TOE1: variants seen among roughly 807,000 people sequenced by gnomAD.
TOE1 encodes the protein target of EGR1, exonuclease, also known as target of EGR1 protein 1.
TOE1 carries 50 observed loss-of-function variants against 49.2 expected under a neutral mutation model. The ratio of observed to expected loss-of-function variants is 1.02; its 90% CI spans 0.81 to 1.29. The LOEUF (loss-of-function observed/expected upper bound fraction) is 1.29, where lower values mean the gene tolerates loss of function less well. Among genes scored for constraint, TOE1 ranks in the 50% most tolerant of loss-of-function variants. TOE1 has a pLI of 0.00. For synonymous variants in TOE1, 221 were observed against 247.0 expected, an observed-to-expected ratio of 0.89 and a Z score of 0.99; for missense variants, 544 against 654.4, an observed-to-expected ratio of 0.83 and a Z score of 1.84.
intron 4 of TOE1, among the ~76,000 whole-genome samples, 164 bp from the exon 5 acceptor site, chr1:45,341,785 A>G (rs191624846): frequency 5.9e-5 from 9 of 151,822 alleles, no homozygotes; most frequent in South Asian, 2.1e-4. Flanking sequence ...TGGTGCACCT[A>G]TCACCCAGTG....
At chr1:45,340,936 G>A in intron 1 of TOE1, 137 bp from the exon 2 acceptor site, 1 of 1,249,092 alleles carries the variant, frequency 8.0e-7, no homozygotes, top group Non-Finnish European at 1.1e-6. Flanking sequence ...TGTAGAACAC[G>A]TGGGTTACAA....
intron 2 of TOE1, 29 bp downstream of exon 2, chr1:45,341,244 T>G (rs1019671351): frequency 1.9e-6 from 3 of 1,613,998 alleles, no homozygotes; most frequent in Non-Finnish European, 2.5e-6. Flanking sequence ...GGAGGGCAGG[T>G]GGTTGTGAAG....
Position 45,343,029 on chromosome 1 carries a change from A to G in TOE1, c.912+27A>G, listed in dbSNP as rs767740951. The G allele has an allele frequency of 3.1e-6, 5 of 1,613,504 alleles. No individual in the cohort carries two copies. The highest frequency in any genetic ancestry group is 2.5e-6 in the Non-Finnish European group (3 of 1,179,800). ...TGAGAGCACCCACCTGTTTCTTGGG[A>G]GGGAAGGTTCTGATGCCTGGAGCCT... On this transcript the variant is annotated intron_variant, in intron 7 of 7. Coordinates refer to ENST00000372090, the MANE Select transcript of TOE1 (RefSeq NM_025077.4). This position sits in a 1 kb window ranked among gnomAD's most constrained non-coding sequence, Gnocchi z 4.3.
intron 6 of TOE1, 50 bp from the exon 7 acceptor site, chr1:45,342,793 C>A: frequency 6.2e-7 from 1 of 1,611,990 alleles, no homozygotes; most frequent in South Asian, 1.1e-5. Context: ...AAACCCTGCT[C>A]TTATGGAGCT....
In TOE1 at chr1:45,343,276, G is replaced by C; in HGVS notation, c.1107G>C (p.Gln369His). Residue 369 changes from glutamine to histidine, a missense_variant, in exon 8 of 8, where the codon CAG (glutamine) becomes CAC (histidine). Transcript: ENST00000372090. This position sits in a 1 kb window ranked among gnomAD's most constrained non-coding sequence, Gnocchi z 4.3. Reference protein sequence around the residue: ...GEAKDGPPKKQVCGDSIKPEE... With the variant: ...GEAKDGPPKKHVCGDSIKPEE... ...CTAAGGATGGTCCTCCCAAGAAGCAGGTCTGTGGGGATAGCATCAAGCCTG... is the reference window on the plus strand; with the variant it reads ...CTAAGGATGGTCCTCCCAAGAAGCACGTCTGTGGGGATAGCATCAAGCCTG... The C allele has an allele frequency of 6.2e-7, 1 of 1,614,116 alleles. No individual in the cohort carries two copies. Among genetic ancestry groups the C allele is most frequent in the Non-Finnish European group, 8.5e-7 (1 of 1,180,034 alleles).
rs765015040 is a variant in TOE1 at position 45,341,070 on chromosome 1, C to G, written c.53-3C>G. On this transcript the variant is annotated splice_polypyrimidine_tract_variant and splice_region_variant and intron_variant, in intron 1 of 7. Transcript: ENST00000372090. The stretch of plus-strand genomic sequence containing the variant: ...GAACATCCATCACCCTCCTAACCCC[C>G]AGGTGGTGTCAGCAAAAGCACAACA... 3.2e-5 allele frequency: 51 copies of G among 1,614,100 alleles called. No homozygotes were observed. The highest frequency in any genetic ancestry group is 4.2e-5 in the Non-Finnish European group (50 of 1,180,042).
chr1:45,340,332 A>G, intron 1 of TOE1, 28 bp downstream of exon 1: 11 of 1,604,130 alleles, frequency 6.9e-6, no homozygotes, highest in Non-Finnish European at 9.4e-6. Flanking sequence ...GGTAGCCTTC[A>G]AAGCCTCTGC....
In TOE1 at chr1:45,343,566, G is replaced by A. The variant is rs936988466; in HGVS notation, c.1397G>A (p.Gly466Glu). The A allele has an allele frequency of 3.7e-5, 59 of 1,613,870 alleles. No homozygotes were observed. The highest frequency in any genetic ancestry group is 4.7e-5 in the Non-Finnish European group (56 of 1,180,020). ...VSQGPQPCSS[G>E]PWLPECHNKV... is the part of the protein sequence containing the mutation. ...CAGGGACCGCAGCCCTGCAGCTCTG[G>A]ACCCTGGCTCCCTGAATGCCACAAT... The change falls in exon 8 of 8, where the codon GGA becomes GAA. Residue 466 changes from glycine (G) to glutamate (E), a missense_variant. Gly to Glu is a moderately conservative substitution (Grantham distance 98). Coordinates refer to ENST00000372090, the MANE Select transcript of TOE1 (RefSeq NM_025077.4). The surrounding 1 kb of genome is among the most constrained non-coding windows in gnomAD (Gnocchi z 4.3).
In TOE1 at chr1:45,343,053, CTCTT is replaced by C; in HGVS notation, c.913-25_913-22del. 2 of 1,613,502 alleles carry C rather than the reference CTCTT, an allele frequency of 1.2e-6. No homozygotes were observed. Among genetic ancestry groups the C allele is most frequent in the Non-Finnish European group, 1.7e-6 (2 of 1,179,654 alleles). Reference sequence around the variant, plus strand: ...GAGGGAAGGTTCTGATGCCTGGAGCCTCTTTCTAAGCCTCTTTCCCACCCCTAGG... The same window carrying C: ...GAGGGAAGGTTCTGATGCCTGGAGCCTCTAAGCCTCTTTCCCACCCCTAGG... On this transcript the variant is annotated intron_variant, in intron 7 of 7. Transcript: ENST00000372090. The surrounding 1 kb of genome is among the most constrained non-coding windows in gnomAD (Gnocchi z 4.3).
rs1557519054 is a variant in TOE1, at chr1:45,340,280, G to C, written c.28G>C (p.Val10Leu). The C allele has an allele frequency of 1.2e-6, 2 of 1,613,684 alleles. No homozygotes were observed. Among genetic ancestry groups the C allele is most frequent in the South Asian group, 2.2e-5 (2 of 91,046 alleles). MAADSDDGA[V>L]SAPAASDGGV... is the part of the protein sequence containing the mutation. ...GGCCGCCGACAGTGACGATGGCGCAGTTTCAGCTCCCGCAGCTTCCGACGG... is the reference window on the plus strand; with the variant it reads ...GGCCGCCGACAGTGACGATGGCGCACTTTCAGCTCCCGCAGCTTCCGACGG... The change falls in exon 1 of 8, where the codon GTT (valine) becomes CTT (leucine). Residue 10 changes from valine (V) to leucine (L), a missense_variant. Coordinates refer to ENST00000372090, the MANE Select transcript of TOE1 (RefSeq NM_025077.4).
Position 45,343,935 on chromosome 1 carries a change from T to TA in TOE1, c.*234dup. 9 of 426,582 alleles carry TA rather than the reference T, an allele frequency of 2.1e-5. No individual in the cohort carries two copies. The highest frequency in any genetic ancestry group is 3.9e-5 in the Admixed American group (1 of 25,474). 26.4% of individuals were successfully genotyped at this position (426,582 alleles called of 1,614,324 possible). On this transcript the variant is annotated 3_prime_UTR_variant, in exon 8 of 8. Coordinates refer to ENST00000372090, the MANE Select transcript of TOE1 (RefSeq NM_025077.4). The surrounding 1 kb of genome is among the most constrained non-coding windows in gnomAD (Gnocchi z 4.3). The stretch of plus-strand genomic sequence containing the variant: ...GTCTGAAAATGTCTTGGGAAAGTTT[T>TA]ACAAAAAAAAAAATCAACAGAAGCA...
chr1:45,341,658 C>T, intron 4 of TOE1, 89 bp downstream of exon 4: 2 of 1,208,432 alleles, frequency 1.7e-6, no homozygotes, highest in Non-Finnish European at 1.2e-6. Context: ...AAGCATTTCT[C>T]TCCCAAATCT....
intron 4 of TOE1, 80 bp from the exon 5 acceptor site, chr1:45,341,869 A>C: frequency 6.8e-7 from 1 of 1,466,856 alleles, no homozygotes; most frequent in East Asian, 2.3e-5. Flanking sequence ...CCCAGAGTCC[A>C]TTGTATCATT....
In TOE1 at chr1:45,341,862, A is replaced by G. The variant is rs1570615229; in HGVS notation, c.334-87A>G. The G allele has an allele frequency of 5.0e-6, 7 of 1,410,352 alleles. No homozygotes were observed. The South Asian group carries it at 6.3e-5, about 13-fold the overall frequency. The allele number at this position is 1,410,352 out of a possible 1,614,324, so 87.4% of individuals were successfully genotyped here. On this transcript the variant is annotated intron_variant, in intron 4 of 7. Coordinates refer to ENST00000372090, the MANE Select transcript of TOE1 (RefSeq NM_025077.4). Reference sequence around the variant, plus strand: ...TCCATCCTTTCCCCCCTGAGTCCCCAGAGTCCATTGTATCATTCTTAAGCT... The same window carrying G: ...TCCATCCTTTCCCCCCTGAGTCCCCGGAGTCCATTGTATCATTCTTAAGCT...
intron 1 of TOE1, chr1:45,340,529 T>C (rs1465744124): frequency 1.4e-6 from 2 of 1,418,998 alleles, no homozygotes; most frequent in East Asian, 2.6e-5. Context: ...AGATGTAGTC[T>C]GGAGCTCATA....
Position 45,341,397 on chromosome 1 carries a change from G to A in TOE1, c.236+54G>A, listed in dbSNP as rs1265818310. 4 of 1,613,916 alleles carry A rather than the reference G, an allele frequency of 2.5e-6. No individual in the cohort carries two copies. In the South Asian group the frequency reaches 3.3e-5, roughly 13 times the overall value. On this transcript the variant is annotated intron_variant, in intron 3 of 7. Coordinates refer to ENST00000372090, the MANE Select transcript of TOE1 (RefSeq NM_025077.4). ...CCAGCCCTCAACTGTGGAGTGGGGG[G>A]GTCACAGACCTGGGTGGTTTGGGTC...
Position 45,340,388 on chromosome 1 carries a change from C to T in TOE1, c.52+84C>T, listed in dbSNP as rs1314872579. 9.7e-6 allele frequency: 15 copies of T among 1,549,336 alleles called. No homozygotes were observed. The South Asian group carries it at 1.7e-4, about 17-fold the overall frequency. On this transcript the variant is annotated intron_variant, in intron 1 of 7. Transcript: ENST00000372090. ...CTCGGGCTCATAGTTCTAGAGGCTC[C>T]TCAAGCTTCAGAGGACTGCTCCTTC...
rs1444421201 is a variant in TOE1, at chr1:45,343,122, C to T, written c.953C>T (p.Ser318Phe). Residue 318 changes from serine (S) to phenylalanine (F), a missense_variant, in exon 8 of 8, where the codon TCT becomes TTT. Transcript: ENST00000372090. This position sits in a 1 kb window ranked among gnomAD's most constrained non-coding sequence, Gnocchi z 4.3. Reference sequence around the variant, plus strand: ...CCCCTGGGACCACAGTGTCCTCAGTCTCACGATATTGACCTTATCATTGAC... The same window carrying T: ...CCCCTGGGACCACAGTGTCCTCAGTTTCACGATATTGACCTTATCATTGAC... ...WCPLGPQCPQ[S>F]HDIDLIIDTD... 5.0e-6 allele frequency: 8 copies of T among 1,613,816 alleles called. No homozygotes were observed. Among genetic ancestry groups the T allele is most frequent in the Non-Finnish European group, 6.8e-6 (8 of 1,180,006 alleles).
chr1:45,343,349 C>T lies in TOE1; in HGVS notation c.1180C>T (p.His394Tyr). 1 of 1,614,050 alleles carries T rather than the reference C, an allele frequency of 6.2e-7. No individual in the cohort carries two copies. Among genetic ancestry groups the T allele is most frequent in the Non-Finnish European group, 8.5e-7 (1 of 1,180,010 alleles). ...VAADETRNLP[H>Y]SKQGNKNDLE... ...TGCCGATGAAACTAGGAACCTGCCT[C>T]ACTCCAAGCAAGGCAACAAAAATGA... Residue 394 changes from histidine (H) to tyrosine (Y), a missense_variant, in exon 8 of 8, where the codon CAC becomes TAC. Physicochemically the swap from His to Tyr is moderately conservative, Grantham distance 83. Transcript: ENST00000372090. This position sits in a 1 kb window ranked among gnomAD's most constrained non-coding sequence, Gnocchi z 4.3.
Sources: allele counts gnomAD v4.1 joint callset (sites outside exome capture counted in the v4.1 genomes callset), GRCh38; gene constraint gnomAD v4.1.1; non-coding constraint Gnocchi (gnomAD v3.1); transcripts MANE v1.5; gene names NCBI Gene and HGNC (gene_info 2026-07-23, HGNC 2026-07-21).